Variants in TMEM63C observed in about 807,000 individuals in gnomAD.
The protein encoded by TMEM63C is transmembrane protein 63C.
A neutral mutation model predicts 99.2 loss-of-function variants in TMEM63C; 32 were observed. The ratio of observed to expected loss-of-function variants is 0.32; its 90% CI spans 0.24 to 0.43. TMEM63C has a LOEUF of 0.43. TMEM63C is among the 20% of genes least tolerant of loss of function. The probability of loss-of-function intolerance (pLI) is 1.00; values close to 1 mark genes in which losing one functional copy is unlikely to be tolerated. For synonymous variants in TMEM63C, 376 were observed against 397.9 expected (o/e 0.94, Z 0.66); for missense variants, 826 against 1,053.0 (o/e 0.78, Z 2.98).
At position 77,207,318 on chromosome 14, in the gene TMEM63C, C is replaced by T. The variant is rs572027061; in HGVS notation, c.-76-6128C>T. On this transcript the variant is annotated intron_variant, in intron 1 of 23. Transcript: ENST00000298351. ...TGGCGTCCCAACTCCATCTGCCACC[C>T]ACAGAGGTGTTAAGAGGATAAGTTT... Among the ~76,000 whole-genome samples, 8 of 152,370 alleles carry T rather than the reference C, an allele frequency of 5.3e-5. No homozygotes were observed. The South Asian group carries it at 1.7e-3, about 32-fold the overall frequency.
intron 1 of TMEM63C, among the ~76,000 whole-genome samples, chr14:77,191,471 A>G (rs1248261941): frequency 6.8e-6 from 1 of 147,040 alleles, no homozygotes; most frequent in East Asian, 2.0e-4. Context: ...ATTAGGTACA[A>G]TTGGTCTATA....
chr14:77,256,899 C>T lies in TMEM63C; in HGVS notation c.*173C>T. On this transcript the variant is annotated 3_prime_UTR_variant, in exon 24 of 24. Transcript: ENST00000298351. ...GCCATACGGGGGTCCTGACCTGCTGCCCGGCTGGAACTGGGGGTGCTCGGC... is the reference window on the plus strand; with the variant it reads ...GCCATACGGGGGTCCTGACCTGCTGTCCGGCTGGAACTGGGGGTGCTCGGC... The T allele has an allele frequency of 1.6e-6, 1 of 642,130 alleles. No individual in the cohort carries two copies. The highest frequency in any genetic ancestry group is 2.0e-5 in the South Asian group (1 of 50,216). The allele number at this position is 642,130 out of a possible 1,614,324, so 39.8% of individuals were successfully genotyped here. A position where few individuals can be genotyped will look rare whatever the true frequency, so the allele number is the denominator to read the frequency against.
chr14:77,226,480 A>G (rs184609042), intron 6 of TMEM63C, among the ~76,000 whole-genome samples: 4 of 152,304 alleles, frequency 2.6e-5, no homozygotes, highest in Admixed American at 6.5e-5. Context: ...TAGCATTCAG[A>G]ATGGGAGGGT....
chr14:77,246,064 G>A, intron 17 of TMEM63C, 38 bp downstream of exon 17: 1 of 1,522,068 alleles, frequency 6.6e-7, no homozygotes, highest in Non-Finnish European at 9.1e-7. Context: ...TCTTAGCCAG[G>A]CTCTCTTAGA....
chr14:77,230,308 T>C (rs392919), intron 6 of TMEM63C, among the ~76,000 whole-genome samples: 118,662 of 152,112 alleles, frequency 0.78, 46,981 homozygotes, highest in East Asian at 0.93. Context: ...TCTCTTCCTG[T>C]CCCCCAACCT....
At chr14:77,186,793 GTGTGTGTC>G (rs1210281026) in intron 1 of TMEM63C, among the ~76,000 whole-genome samples, 21 of 60,136 alleles carry the variant, frequency 3.5e-4, no homozygotes, top group South Asian at 1.2e-3. Context: ...GTGTGTGTGT[GTGTGTGTC>G]TGTGTGTGTG....
intron 13 of TMEM63C, 94 bp downstream of exon 13, chr14:77,240,702 C>G (rs889875549): frequency 1.4e-6 from 2 of 1,475,364 alleles, no homozygotes; most frequent in East Asian, 2.3e-5. Context: ...CCTTCTGCCT[C>G]CCCTGGGCCC....
chr14:77,203,630 T>C (rs113941829), intron 1 of TMEM63C, among the ~76,000 whole-genome samples: 1,834 of 152,370 alleles, frequency 0.012, 39 homozygotes, highest in African/African-American at 0.042. Flanking sequence ...CACCTGACTG[T>C]GTGCTTGCTG....
intron 1 of TMEM63C, among the ~76,000 whole-genome samples, chr14:77,199,298 G>T (rs1182270300): frequency 6.6e-6 from 1 of 152,162 alleles, no homozygotes; most frequent in African/African-American, 2.4e-5. Flanking sequence ...AGCTCTTCTA[G>T]TCCCAGCCCA....
intron 1 of TMEM63C, among the ~76,000 whole-genome samples, chr14:77,195,900 T>A (rs1888205770): frequency 6.6e-6 from 1 of 152,172 alleles, no homozygotes; most frequent in Non-Finnish European, 1.5e-5. Context: ...GGAGTACCCC[T>A]CACCCCATCA....
chr14:77,209,390 A>G (rs532740432), intron 1 of TMEM63C, among the ~76,000 whole-genome samples: 186 of 152,206 alleles, frequency 1.2e-3, no homozygotes, highest in Middle Eastern at 3.4e-3. Context: ...TGTACAAACC[A>G]CCTACATTTT....
chr14:77,237,485 G>C (rs1445732143), intron 9 of TMEM63C, among the ~76,000 whole-genome samples: 1 of 152,216 alleles, frequency 6.6e-6, no homozygotes, highest in Non-Finnish European at 1.5e-5. Context: ...GAGCATGGAG[G>C]GGCAACTTAC....
Position 77,231,311 on chromosome 14 carries a change from T to C in TMEM63C, c.351-277T>C, listed in dbSNP as rs75662598. On this transcript the variant is annotated intron_variant, in intron 6 of 23. Transcript: ENST00000298351. ...TAAAAGGATGAATGCATGCTCTATT[T>C]CAAGAGTGTTTCTGGATTCCTGAGT... 3.2e-3 allele frequency among the ~76,000 whole-genome samples: 482 copies of C among 152,328 alleles called. 2 individuals are homozygous for C. The highest frequency in any genetic ancestry group is 6.0e-3 in the Admixed American group (92 of 15,304).
In TMEM63C at chr14:77,239,438, C is replaced by T. The variant is rs757204497; in HGVS notation, c.752C>T (p.Thr251Ile). 1.2e-6 allele frequency: 2 copies of T among 1,613,616 alleles called. No homozygotes were observed. The highest frequency in any genetic ancestry group is 1.7e-6 in the Non-Finnish European group (2 of 1,179,884). Reference protein sequence around the residue: ...FHEAYPGSVVTRVHFCYDVRN... With the variant: ...FHEAYPGSVVIRVHFCYDVRN... Reference sequence around the variant, plus strand: ...GAGGCCTATCCAGGCAGTGTCGTGACAAGAGTCCACTTCTGCTACGACGTC... The same window carrying T: ...GAGGCCTATCCAGGCAGTGTCGTGATAAGAGTCCACTTCTGCTACGACGTC... The change falls in exon 11 of 24, where the codon ACA becomes ATA. Residue 251 changes from threonine to isoleucine, a missense_variant. Physicochemically the swap from Thr to Ile is moderately conservative, Grantham distance 89. Coordinates refer to ENST00000298351, the MANE Select transcript of TMEM63C (RefSeq NM_020431.4).
intron 5 of TMEM63C, among the ~76,000 whole-genome samples, chr14:77,223,619 G>T (rs1254044619): frequency 6.6e-6 from 1 of 152,150 alleles, no homozygotes; most frequent in Admixed American, 6.5e-5. Context: ...GCGATAATGT[G>T]TACTCAGGGG....
At chr14:77,186,801 C>CTGTG (rs1240827650) in intron 1 of TMEM63C, among the ~76,000 whole-genome samples, 43,458 of 146,358 alleles carry the variant, frequency 0.3, 6,773 homozygotes, top group Admixed American at 0.4. Context: ...GTGTGTGTGT[C>CTGTG]TGTGTGTGTG....
At chr14:77,205,409 G>T (rs1211572380) in intron 1 of TMEM63C, among the ~76,000 whole-genome samples, 1 of 152,176 alleles carries the variant, frequency 6.6e-6, no homozygotes, top group Non-Finnish European at 1.5e-5. Flanking sequence ...CATTCACCTA[G>T]AATGAGCTTG....
Position 77,230,195 on chromosome 14 carries a change from C to T in TMEM63C, c.351-1393C>T, listed in dbSNP as rs138132314. Among the ~76,000 whole-genome samples, 45 of 144,578 alleles carry T rather than the reference C, an allele frequency of 3.1e-4. 1 individual carries two copies. The East Asian group carries it at 8.3e-3, about 27-fold the overall frequency. The allele number at this position is 144,578 out of a possible 152,430, so 94.8% of individuals were successfully genotyped here. On this transcript the variant is annotated intron_variant, in intron 6 of 23. Transcript: ENST00000298351. ...CCAGCCTGGGCAACAGAGCAAGACT[C>T]TGTCTCAAAAAAAAAAAAAATGTAC...
At chr14:77,189,606 A>T (rs1275730123) in intron 1 of TMEM63C, among the ~76,000 whole-genome samples, 1 of 152,264 alleles carries the variant, frequency 6.6e-6, no homozygotes, top group Non-Finnish European at 1.5e-5. Flanking sequence ...GAACAGCTGA[A>T]GCAAAAATGA....
Sources: allele counts gnomAD v4.1 joint callset (sites outside exome capture counted in the v4.1 genomes callset), GRCh38; gene constraint gnomAD v4.1.1; transcripts MANE v1.5; gene names NCBI Gene and HGNC (gene_info 2026-07-23, HGNC 2026-07-21).